Variants in KCNN2 observed in about 807,000 individuals in gnomAD.
KCNN2 encodes small conductance calcium-activated potassium channel protein 2.
KCNN2 carries 24 observed loss-of-function variants against 55.5 expected under a neutral mutation model. The ratio of observed to expected loss-of-function variants is 0.43; its 90% CI spans 0.31 to 0.61. KCNN2 has a LOEUF of 0.61. KCNN2 is among the 20% of genes least tolerant of loss of function. The pLI, the probability that KCNN2 is intolerant of heterozygous loss-of-function variation, is 0.08. For synonymous variants in KCNN2, 431 were observed against 336.1 expected (o/e 1.28, Z -3.09); for missense variants, 754 against 853.6 (o/e 0.88, Z 1.45).
In KCNN2 at chr5:114,127,438, A is replaced by G. The variant is rs192662385; in HGVS notation, c.-271+70938A>G. Among the ~76,000 whole-genome samples the G allele has an allele frequency of 6.6e-5, 10 of 152,124 alleles. No homozygotes were observed. In the East Asian group the frequency reaches 1.9e-3, roughly 29 times the overall value. On this transcript the variant is annotated intron_variant, in intron 1 of 10. Transcript: ENST00000512097. ...GAAGCTTGCACCCTCTGAAGCCATG[A>G]CTCGAGCTGCACCTTGGCGTCTTTT... is the stretch of plus-strand genomic sequence containing the variant.
chr5:114,443,871 GC>G (rs1760305362), intron 3 of KCNN2, among the ~76,000 whole-genome samples: 1 of 152,188 alleles, frequency 6.6e-6, no homozygotes, highest in Non-Finnish European at 1.5e-5. Context: ...TTGTCATGTG[GC>G]TGGTGATAAG....
intron 1 of KCNN2, among the ~76,000 whole-genome samples, chr5:114,131,234 G>A (rs1307460080): frequency 2.0e-5 from 3 of 152,064 alleles, no homozygotes; most frequent in Non-Finnish European, 4.4e-5. Flanking sequence ...CCATCACCTA[G>A]GTATTAAGCC....
chr5:114,312,152 T>C (rs1756401031), intron 2 of KCNN2, among the ~76,000 whole-genome samples: 1 of 151,778 alleles, frequency 6.6e-6, no homozygotes, highest in African/African-American at 2.4e-5. Context: ...GTAGGGCCAT[T>C]GTAATGCTAA....
chr5:114,393,147 A>G (rs369116135), intron 2 of KCNN2, among the ~76,000 whole-genome samples: 55 of 152,294 alleles, frequency 3.6e-4, no homozygotes, highest in African/African-American at 1.3e-3. Flanking sequence ...TTGCTCTTCC[A>G]CATCAAACAC....
chr5:114,144,084 G>C (rs943507473), intron 1 of KCNN2, among the ~76,000 whole-genome samples: 2 of 152,130 alleles, frequency 1.3e-5, no homozygotes, highest in Non-Finnish European at 2.9e-5. Context: ...TGCTTGAGAG[G>C]CCTCAAAAAT....
intron 2 of KCNN2, among the ~76,000 whole-genome samples, chr5:114,393,478 C>T (rs979232674): frequency 6.6e-6 from 1 of 152,060 alleles, no homozygotes; most frequent in Non-Finnish European, 1.5e-5. Context: ...ATTTGGATGT[C>T]TGACAACCTC....
chr5:114,252,234 C>A (rs1294174126), intron 2 of KCNN2, among the ~76,000 whole-genome samples: 1 of 150,030 alleles, frequency 6.7e-6, no homozygotes, highest in Non-Finnish European at 1.5e-5. Flanking sequence ...ACCTTTATAT[C>A]TTTCTGCCCT....
chr5:114,457,275 AT>A (rs574918553), intron 3 of KCNN2, among the ~76,000 whole-genome samples: 86 of 152,338 alleles, frequency 5.6e-4, no homozygotes, highest in Non-Finnish European at 7.9e-4. Flanking sequence ...ATTATGACTC[AT>A]TGAAGACTTA....
chr5:114,202,540 A>G (rs1299111883), intron 1 of KCNN2, among the ~76,000 whole-genome samples: 2 of 145,742 alleles, frequency 1.4e-5, no homozygotes, highest in Non-Finnish European at 3.0e-5. Context: ...TATGCCTAGT[A>G]TATACATGCC....
chr5:114,214,605 A>T (rs1249771213), intron 1 of KCNN2, among the ~76,000 whole-genome samples: 1 of 152,078 alleles, frequency 6.6e-6, no homozygotes, highest in Admixed American at 6.6e-5. Context: ...GAAGAGGTGG[A>T]GGACTCCCCA....
At chr5:114,319,196 C>A (rs1475447842) in intron 2 of KCNN2, among the ~76,000 whole-genome samples, 2 of 152,118 alleles carry the variant, frequency 1.3e-5, no homozygotes, top group African/African-American at 2.4e-5. Flanking sequence ...TCCACTGGCC[C>A]CTTCTTACAG....
chr5:114,169,498 G>A lies in KCNN2; in HGVS notation c.-270-51982G>A, dbSNP rs540353250. On this transcript the variant is annotated intron_variant, in intron 1 of 10. Transcript: ENST00000512097. ...TGCAAAGGATGAAGCAGAGACAAGTGGGAGAAATAAATAGACATATTCTGG... is the reference window on the plus strand; with the variant it reads ...TGCAAAGGATGAAGCAGAGACAAGTAGGAGAAATAAATAGACATATTCTGG... 2.0e-5 allele frequency among the ~76,000 whole-genome samples: 3 copies of A among 152,220 alleles called. 1 individual carries two copies. The South Asian group carries it at 6.2e-4, about 32-fold the overall frequency.
chr5:114,338,722 G>A (rs148624982), intron 2 of KCNN2, among the ~76,000 whole-genome samples: 7 of 152,286 alleles, frequency 4.6e-5, no homozygotes, highest in Non-Finnish European at 8.8e-5. Context: ...AGCATTATTC[G>A]TGGGTTTAGG....
intron 2 of KCNN2, among the ~76,000 whole-genome samples, chr5:114,236,236 G>C (rs927076948): frequency 3.2e-4 from 49 of 152,188 alleles, no homozygotes; most frequent in African/African-American, 1.1e-3. Context: ...AATGGTGGCA[G>C]ATAATGGCTA....
chr5:114,170,038 G>A (rs1394655529), intron 1 of KCNN2, among the ~76,000 whole-genome samples: 1 of 151,912 alleles, frequency 6.6e-6, no homozygotes, highest in Non-Finnish European at 1.5e-5. Context: ...TCCCTACTTA[G>A]TATGTTATAT....
intron 1 of KCNN2, among the ~76,000 whole-genome samples, chr5:114,135,376 T>A (rs1406781050): frequency 6.6e-6 from 1 of 152,146 alleles, no homozygotes. Context: ...ACTGGGCACA[T>A]ATGAAGGAAG....
intron 2 of KCNN2, among the ~76,000 whole-genome samples, chr5:114,387,801 G>C (rs1758331276): frequency 6.6e-6 from 1 of 152,196 alleles, no homozygotes; most frequent in Non-Finnish European, 1.5e-5. Context: ...TTTCAGAGAT[G>C]TTCATTCTCA....
At chr5:114,284,700 A>C (rs897344369) in intron 2 of KCNN2, among the ~76,000 whole-genome samples, 2 of 151,770 alleles carry the variant, frequency 1.3e-5, no homozygotes, top group Non-Finnish European at 2.9e-5. Context: ...GTCCTTTTTT[A>C]GTAGAGACGG....
intron 1 of KCNN2, among the ~76,000 whole-genome samples, chr5:114,166,317 C>G (rs1752910347): frequency 6.6e-6 from 1 of 152,088 alleles, no homozygotes; most frequent in Non-Finnish European, 1.5e-5. Flanking sequence ...AACAGCTGGA[C>G]AAAGTTACAC....
Sources: gnomAD v4.1 joint callset for allele counts (sites outside exome capture counted in the v4.1 genomes callset) on GRCh38, gnomAD v4.1.1 for gene constraint, MANE v1.5 for transcripts, NCBI Gene and HGNC (gene_info 2026-07-23, HGNC 2026-07-21) for gene names.